Variants in SYT1 observed in about 807,000 individuals in gnomAD.
The protein encoded by SYT1 is synaptotagmin 1, also known as synaptotagmin-1.
SYT1 carries 8 observed loss-of-function variants against 44.8 expected under a neutral mutation model. That is an observed-to-expected ratio of 0.18 (90% CI 0.10 to 0.32). The LOEUF (loss-of-function observed/expected upper bound fraction) is 0.32. SYT1 is among the 10% of genes least tolerant of loss of function. The probability of loss-of-function intolerance (pLI) is 1.00; values close to 1 mark genes in which losing one functional copy is unlikely to be tolerated. For synonymous variants in SYT1, 154 were observed against 188.8 expected (o/e 0.82, Z 1.51); for missense variants, 286 against 509.3 (o/e 0.56, Z 4.22).
At chr12:79,276,714 A>G (rs1878750757) in intron 4 of SYT1, among the ~76,000 whole-genome samples, 1 of 151,806 alleles carries the variant, frequency 6.6e-6, no homozygotes, top group Non-Finnish European at 1.5e-5. Flanking sequence ...TAGAAATAAA[A>G]GACTTGCTTA....
chr12:79,093,039 CAAAG>C (rs1029755889), intron 3 of SYT1, among the ~76,000 whole-genome samples: 8 of 151,544 alleles, frequency 5.3e-5, no homozygotes, highest in Non-Finnish European at 7.4e-5. Context: ...AATTATAACT[CAAAG>C]AAGGTTAAAC....
intron 4 of SYT1, among the ~76,000 whole-genome samples, chr12:79,235,648 A>T (rs140595798): frequency 0.015 from 2,267 of 148,628 alleles, 39 homozygotes; most frequent in African/African-American, 0.046. Flanking sequence ...ATATATAATG[A>T]TTATATATAA....
intron 9 of SYT1, among the ~76,000 whole-genome samples, chr12:79,422,454 T>C (rs1469121615): frequency 1.3e-5 from 2 of 151,560 alleles, no homozygotes; most frequent in Non-Finnish European, 2.9e-5. Flanking sequence ...TTTATCTGGA[T>C]CTTCTCTGTT....
rs1171512474 is a variant in SYT1 at position 79,371,588 on chromosome 12, G to A, written c.928+17969G>A. ...AAAATAATGTCCAGAAGGAATTTGT[G>A]TTCTATTCAATGACTATAAAAAAGA... On this transcript the variant is annotated intron_variant, in intron 9 of 10. Transcript: ENST00000261205. Among the ~76,000 whole-genome samples, 4 of 152,226 alleles carry A rather than the reference G, an allele frequency of 2.6e-5. No individual in the cohort carries two copies. In the East Asian group the frequency reaches 7.7e-4, roughly 29 times the overall value.
intron 8 of SYT1, among the ~76,000 whole-genome samples, chr12:79,342,837 G>A (rs1444557033): frequency 6.6e-6 from 1 of 152,162 alleles, no homozygotes; most frequent in Non-Finnish European, 1.5e-5. Context: ...TTTGGCATTC[G>A]AGTCTAAAAC....
intron 3 of SYT1, among the ~76,000 whole-genome samples, chr12:79,110,126 C>A (rs533052635): frequency 6.6e-6 from 1 of 152,224 alleles, no homozygotes; most frequent in South Asian, 2.1e-4. Context: ...GACTTCTACT[C>A]CATTTCTCAA....
intron 3 of SYT1, among the ~76,000 whole-genome samples, chr12:79,069,264 TA>T (rs1050875472): frequency 1.9e-4 from 29 of 152,122 alleles, no homozygotes; most frequent in African/African-American, 7.0e-4. Flanking sequence ...CCACAGCAGC[TA>T]AAAACAAAAC....
chr12:78,910,778 C>T (rs534372986), intron 1 of SYT1, among the ~76,000 whole-genome samples: 4 of 151,894 alleles, frequency 2.6e-5, no homozygotes, highest in African/African-American at 4.8e-5. Flanking sequence ...TTGACCTTAT[C>T]GAAGAATCTA....
intron 3 of SYT1, among the ~76,000 whole-genome samples, chr12:79,049,157 T>A (rs1440679224): frequency 2.0e-5 from 3 of 151,928 alleles, no homozygotes; most frequent in Non-Finnish European, 4.4e-5. Context: ...TCTGCGCTGA[T>A]TTATGTATAA....
chr12:79,071,911 A>G (rs532186754), intron 3 of SYT1, among the ~76,000 whole-genome samples: 1 of 152,172 alleles, frequency 6.6e-6, no homozygotes, highest in Non-Finnish European at 1.5e-5. Flanking sequence ...TAGGACTTCA[A>G]CATATCTTTT....
chr12:79,050,241 C>G (rs1173952720), intron 3 of SYT1, among the ~76,000 whole-genome samples: 1 of 152,000 alleles, frequency 6.6e-6, no homozygotes, highest in Non-Finnish European at 1.5e-5. Context: ...AATGTATTTA[C>G]TATTCATTAA....
Position 79,055,121 on chromosome 12 carries a change from T to C in SYT1, c.-18+7759T>C, listed in dbSNP as rs1480281178. On this transcript the variant is annotated intron_variant, in intron 3 of 10. Coordinates refer to ENST00000261205, the MANE Select transcript of SYT1 (RefSeq NM_005639.3). ...ACCTCTGTGAGTTTTGATTTCTCCATTGAGTAATTGTGATATTCAAATGAG... is the reference window on the plus strand; with the variant it reads ...ACCTCTGTGAGTTTTGATTTCTCCACTGAGTAATTGTGATATTCAAATGAG... Among the ~76,000 whole-genome samples the C allele has an allele frequency of 2.6e-5, 4 of 152,102 alleles. No individual in the cohort carries two copies. The East Asian group carries it at 7.7e-4, about 29-fold the overall frequency.
rs866097056 is a variant in SYT1, at chr12:79,049,793, C to T, written c.-18+2431C>T. Among the ~76,000 whole-genome samples the T allele has an allele frequency of 1.5e-4, 22 of 151,704 alleles. 1 individual carries two copies. Among genetic ancestry groups the T allele is most frequent in the African/African-American group, 5.3e-4 (22 of 41,398 alleles). ...TTTAGCACAGGAAAGCTCTACAAAC[C>T]TCTTACAATTTTGCTTTTAAATCCA... is the stretch of plus-strand genomic sequence containing the variant. On this transcript the variant is annotated intron_variant, in intron 3 of 10. Coordinates refer to ENST00000261205, the MANE Select transcript of SYT1 (RefSeq NM_005639.3).
chr12:78,981,125 G>GT (rs1171068435), intron 2 of SYT1, among the ~76,000 whole-genome samples: 10,626 of 122,684 alleles, frequency 0.087, 616 homozygotes, highest in Non-Finnish European at 0.12. Flanking sequence ...TTGTTTCTTT[G>GT]TTTTTTTTTT....
rs749007399 is a variant in SYT1 at position 79,292,126 on chromosome 12, A to G, written c.470A>G (p.Asn157Ser). 4.3e-6 allele frequency: 7 copies of G among 1,613,420 alleles called. No homozygotes were observed. The highest frequency in any genetic ancestry group is 5.9e-6 in the Non-Finnish European group (7 of 1,179,808). The change falls in exon 6 of 11, where the codon AAC becomes AGC. Residue 157 changes from asparagine to serine, a missense_variant. Physicochemically the swap from Asn to Ser is conservative, Grantham distance 46. Transcript: ENST00000261205. ...TCACTGGATTATGATTTCCAAAATA[A>G]CCAGGTCTGAAGTGGAGAAATGTCT... ...QYSLDYDFQNNQLLVGIIQAA... is the reference protein window; with the variant it reads ...QYSLDYDFQNSQLLVGIIQAA...
chr12:78,913,824 A>G lies in SYT1; in HGVS notation c.-217+48715A>G, dbSNP rs151241027. The stretch of plus-strand genomic sequence containing the variant: ...GAACAAATCAACCTTATGTATCACT[A>G]GTCACATACATGGGGATATTGGAAG... On this transcript the variant is annotated intron_variant, in intron 1 of 10. Coordinates refer to ENST00000261205, the MANE Select transcript of SYT1 (RefSeq NM_005639.3). Among the ~76,000 whole-genome samples the G allele has an allele frequency of 1.8e-3, 275 of 152,050 alleles. 2 individuals carry two copies. The highest frequency in any genetic ancestry group is 6.3e-3 in the African/African-American group (262 of 41,544).
chr12:78,891,327 C>T (rs1478910821), intron 1 of SYT1, among the ~76,000 whole-genome samples: 1 of 151,796 alleles, frequency 6.6e-6, no homozygotes, highest in Non-Finnish European at 1.5e-5. Context: ...GAAAACAGTA[C>T]ATTTAGAGAA....
At chr12:79,264,183 CT>C (rs199984501) in intron 4 of SYT1, among the ~76,000 whole-genome samples, 500 of 141,092 alleles carry the variant, frequency 3.5e-3, no homozygotes, top group South Asian at 0.011. Context: ...AGCCCAGCAA[CT>C]TTTTTTTTTT....
chr12:78,951,058 G>A (rs1878938829), intron 1 of SYT1, among the ~76,000 whole-genome samples: 1 of 152,108 alleles, frequency 6.6e-6, no homozygotes, highest in Non-Finnish European at 1.5e-5. Flanking sequence ...TGGAAAATGA[G>A]GCAATCCTCT....
Sources: gnomAD v4.1 joint callset for allele counts (sites outside exome capture counted in the v4.1 genomes callset) on GRCh38, gnomAD v4.1.1 for gene constraint, MANE v1.5 for transcripts, NCBI Gene and HGNC (gene_info 2026-07-23, HGNC 2026-07-21) for gene names.